The following FRS2 variants were observed in gnomAD, a reference collection of about 807,000 sequenced individuals.
FRS2 encodes the protein FGFR signalling adaptor.
Under a neutral mutation model 43.9 loss-of-function variants are expected in FRS2, and 8 were observed. That is an observed-to-expected ratio of 0.18 (90% CI 0.11 to 0.33). The LOEUF (loss-of-function observed/expected upper bound fraction) is 0.33. Ranked by LOEUF, FRS2 falls within the 10% of genes least tolerant of loss-of-function variation. FRS2 has a pLI of 1.00. For missense variants in FRS2, 534 were observed against 627.6 expected, an observed-to-expected ratio of 0.85 and a Z score of 1.59; for synonymous variants, 219 against 220.3, an observed-to-expected ratio of 0.99 and a Z score of 0.05.
chr12:69,574,535 T>A lies in FRS2; in HGVS notation c.1107T>A (p.Asp369Glu), dbSNP rs1221477791. Residue 369 changes from aspartate to glutamate, a missense_variant, in exon 9 of 9, where the codon GAT becomes GAA. Asp to Glu is a conservative substitution (Grantham distance 45). Coordinates refer to ENST00000549921, the MANE Select transcript of FRS2 (RefSeq NM_001278356.2). ...WEARKLSRDEDDNLGPKTPSL... is the reference protein window; with the variant it reads ...WEARKLSRDEEDNLGPKTPSL... ...CCCGCAAGCTAAGTAGGGATGAAGA[T>A]GACAATTTAGGACCAAAGACCCCAT... is the stretch of plus-strand genomic sequence containing the variant. The A allele has an allele frequency of 6.2e-7, 1 of 1,614,174 alleles. No individual in the cohort carries two copies. The highest frequency in any genetic ancestry group is 1.7e-5 in the Admixed American group (1 of 60,024).
intron 1 of FRS2, among the ~76,000 whole-genome samples, chr12:69,523,325 C>T (rs567590399): frequency 2.0e-5 from 3 of 152,240 alleles, no homozygotes; most frequent in Non-Finnish European, 2.9e-5. Context: ...AACCTTTTAC[C>T]GTTATGTAAT....
At chr12:69,538,366 G>A (rs1222601357) in intron 3 of FRS2, among the ~76,000 whole-genome samples, 1 of 151,178 alleles carries the variant, frequency 6.6e-6, no homozygotes, top group South Asian at 2.1e-4. Context: ...ACTTACGTAA[G>A]GTTTGTATGA....
At chr12:69,526,125 G>A (rs1400235365) in intron 1 of FRS2, among the ~76,000 whole-genome samples, 1 of 152,084 alleles carries the variant, frequency 6.6e-6, no homozygotes, top group African/African-American at 2.4e-5. Context: ...CCAAAGTGCT[G>A]GGATTACAGG....
chr12:69,485,968 C>T (rs1871903179), intron 1 of FRS2, among the ~76,000 whole-genome samples: 2 of 152,110 alleles, frequency 1.3e-5, no homozygotes, highest in African/African-American at 4.8e-5. Flanking sequence ...CTAGAATGTA[C>T]ATTCCTTCAC....
chr12:69,506,336 G>C (rs1207088335), intron 1 of FRS2, among the ~76,000 whole-genome samples: 1 of 152,020 alleles, frequency 6.6e-6, no homozygotes, highest in Non-Finnish European at 1.5e-5. Context: ...ATTGGGTCCT[G>C]TAATACTTAA....
At position 69,517,775 on chromosome 12, in the gene FRS2, G is replaced by A. The variant is rs74101185; in HGVS notation, c.-260-13090G>A. 9.4e-3 allele frequency among the ~76,000 whole-genome samples: 1,429 copies of A among 152,144 alleles called. 22 individuals are homozygous for A. Among genetic ancestry groups the A allele is most frequent in the African/African-American group, 0.032 (1,334 of 41,514 alleles). On this transcript the variant is annotated intron_variant, in intron 1 of 8. Transcript: ENST00000549921. ...GCTAAAATGTCCTATAAATTTGTTG[G>A]AATGTGTAATTCTGGGGGGAAAAAC...
intron 1 of FRS2, chr12:69,486,325 T>TA (rs1265346544): frequency 6.6e-6 from 1 of 152,204 alleles, no homozygotes; most frequent in Admixed American, 6.5e-5. Context: ...TCAAACTTTT[T>TA]ATCATTATTA....
intron 3 of FRS2, among the ~76,000 whole-genome samples, chr12:69,536,435 C>T (rs760145225): frequency 3.3e-5 from 5 of 151,486 alleles, no homozygotes; most frequent in Non-Finnish European, 5.9e-5. Context: ...TATTTTCATT[C>T]TTTAGTTTTT....
chr12:69,560,185 A>G (rs1204286627), intron 3 of FRS2, among the ~76,000 whole-genome samples: 1 of 152,256 alleles, frequency 6.6e-6, no homozygotes, highest in African/African-American at 2.4e-5. Flanking sequence ...CTTACAGTGC[A>G]AACGTGTTCT....
At chr12:69,557,103 A>G (rs1328799381) in intron 3 of FRS2, among the ~76,000 whole-genome samples, 1 of 152,230 alleles carries the variant, frequency 6.6e-6, no homozygotes, top group Non-Finnish European at 1.5e-5. Flanking sequence ...AAGATTTTAT[A>G]TATGTGTTTT....
chr12:69,497,966 G>A (rs1173936200), intron 1 of FRS2, among the ~76,000 whole-genome samples: 1 of 152,026 alleles, frequency 6.6e-6, no homozygotes, highest in Non-Finnish European at 1.5e-5. Flanking sequence ...GTTATTCCAG[G>A]AAAAAGATAA....
At chr12:69,539,136 A>G (rs112456302) in intron 3 of FRS2, among the ~76,000 whole-genome samples, 3,249 of 152,270 alleles carry the variant, frequency 0.021, 105 homozygotes, top group African/African-American at 0.074. Context: ...GTGCAGTGGC[A>G]TGATCTCAGC....
intron 3 of FRS2, among the ~76,000 whole-genome samples, chr12:69,540,538 A>G (rs1877810646): frequency 1.3e-5 from 2 of 152,342 alleles, no homozygotes; most frequent in Middle Eastern, 3.4e-3. Context: ...GTATGAATAA[A>G]TGATTGAATA....
At chr12:69,480,989 T>C (rs370455235) in intron 1 of FRS2, among the ~76,000 whole-genome samples, 20 of 152,324 alleles carry the variant, frequency 1.3e-4, no homozygotes, top group African/African-American at 4.8e-4. Flanking sequence ...TTAGAGCTTA[T>C]AAGTAACCGC....
intron 1 of FRS2, among the ~76,000 whole-genome samples, chr12:69,479,730 T>G (rs1871195505): frequency 6.6e-6 from 1 of 152,206 alleles, no homozygotes; most frequent in Non-Finnish European, 1.5e-5. Context: ...GTTTTAGAAC[T>G]GCTACTTTGT....
At position 69,578,115 on chromosome 12, in the gene FRS2, A is replaced by G. The variant is rs145172717; in HGVS notation, c.*3160A>G. ...TGCCGCCATATTTTTGCCTCAAGGTAAAGGTTTTAACAGATGAAAAAGTAC... is the reference window on the plus strand; with the variant it reads ...TGCCGCCATATTTTTGCCTCAAGGTGAAGGTTTTAACAGATGAAAAAGTAC... On this transcript the variant is annotated 3_prime_UTR_variant, in exon 9 of 9. Transcript: ENST00000549921. 26 of 152,712 alleles carry G rather than the reference A, an allele frequency of 1.7e-4. No homozygotes were observed. The highest frequency in any genetic ancestry group is 6.0e-4 in the African/African-American group (25 of 41,568). The allele number at this position is 152,712 out of a possible 1,614,324, so 9.5% of individuals were successfully genotyped here.
chr12:69,491,826 T>A (rs1872523979), intron 1 of FRS2, among the ~76,000 whole-genome samples: 1 of 152,202 alleles, frequency 6.6e-6, no homozygotes, highest in Non-Finnish European at 1.5e-5. Flanking sequence ...AAAATAATGA[T>A]TTAATGAATA....
intron 1 of FRS2, among the ~76,000 whole-genome samples, chr12:69,525,159 C>G (rs939709438): frequency 6.6e-6 from 1 of 150,760 alleles, no homozygotes; most frequent in Non-Finnish European, 1.5e-5. Context: ...CCTTGATGCT[C>G]TAAATCAAAT....
At chr12:69,474,684 C>G (rs1870607800) in intron 1 of FRS2, among the ~76,000 whole-genome samples, 1 of 152,182 alleles carries the variant, frequency 6.6e-6, no homozygotes, top group African/African-American at 2.4e-5. Flanking sequence ...TCATTTCATC[C>G]AGAGTGTCAG....
Sources: gnomAD v4.1 joint callset for allele counts (sites outside exome capture counted in the v4.1 genomes callset) on GRCh38, gnomAD v4.1.1 for gene constraint, MANE v1.5 for transcripts, NCBI Gene and HGNC (gene_info 2026-07-23, HGNC 2026-07-21) for gene names.